The following ABR variants were observed in gnomAD, a reference collection of about 807,000 sequenced individuals.
ABR encodes active breakpoint cluster region-related protein.
ABR carries 35 observed loss-of-function variants against 107.2 expected under a neutral mutation model. That is an observed-to-expected ratio of 0.33 (90% CI 0.25 to 0.43). The LOEUF (loss-of-function observed/expected upper bound fraction) is 0.43. Among genes scored for constraint, ABR ranks in the 20% least tolerant of loss-of-function variants. The pLI is 1.00. For synonymous variants in ABR, 498 were observed against 462.0 expected (o/e 1.08, Z -1.00); for missense variants, 815 against 1,115.2 (o/e 0.73, Z 3.83).
chr17:1,196,817 C>A (rs1467488112), intron 1 of ABR, among the ~76,000 whole-genome samples: 2 of 152,018 alleles, frequency 1.3e-5, no homozygotes, highest in African/African-American at 2.4e-5. Flanking sequence ...GCCTCAGCCT[C>A]CCGAGTAGCT....
chr17:1,089,148 G>A (rs1011715592), intron 4 of ABR, among the ~76,000 whole-genome samples: 9 of 151,666 alleles, frequency 5.9e-5, no homozygotes, highest in African/African-American at 1.9e-4. Flanking sequence ...CACCCACCCC[G>A]GCCTCCCAAA....
chr17:1,013,901 G>T (rs1223468688), intron 16 of ABR, among the ~76,000 whole-genome samples: 1 of 152,218 alleles, frequency 6.6e-6, no homozygotes, highest in African/African-American at 2.4e-5. Context: ...TTCTGTTTCT[G>T]TAACTCGGGG....
Position 1,011,777 on chromosome 17 carries a change from T to C in ABR, c.2101+69A>G. On this transcript the variant is annotated intron_variant, in intron 19 of 22. Transcript: ENST00000302538. The surrounding 1 kb of genome is among the most constrained non-coding windows in gnomAD (Gnocchi z 4.8). ...AGGGAGGCTCCTGGTTCCCCCGAGC[T>C]CTCCTGTCCATCCCACCAGCCTGCT... is the stretch of plus-strand genomic sequence containing the variant. The C allele has an allele frequency of 1.3e-6, 2 of 1,488,394 alleles. No individual in the cohort carries two copies. The highest frequency in any genetic ancestry group is 1.8e-6 in the Non-Finnish European group (2 of 1,116,226). 92.2% of individuals were successfully genotyped at this position (1,488,394 alleles called of 1,614,324 possible).
intron 2 of ABR, among the ~76,000 whole-genome samples, chr17:1,104,350 G>A (rs1022251093): frequency 2.6e-5 from 4 of 152,216 alleles, no homozygotes; most frequent in African/African-American, 9.6e-5. Context: ...CCACAGAGTT[G>A]AGAGGCTAAA....
chr17:1,087,783 T>G (rs1391726204), intron 4 of ABR, among the ~76,000 whole-genome samples: 1 of 152,090 alleles, frequency 6.6e-6, no homozygotes, highest in African/African-American at 2.4e-5. Flanking sequence ...AGGCCCGGGT[T>G]GGCACACCAC....
chr17:1,096,553 G>A (rs1371779481), intron 3 of ABR, among the ~76,000 whole-genome samples: 1 of 152,200 alleles, frequency 6.6e-6, no homozygotes, highest in East Asian at 1.9e-4. Flanking sequence ...TGGCTGTGGA[G>A]GGTCCTACTC....
intron 1 of ABR, among the ~76,000 whole-genome samples, chr17:1,176,446 T>C (rs920828279): frequency 1.3e-5 from 2 of 152,220 alleles, no homozygotes; most frequent in Non-Finnish European, 2.9e-5. Context: ...AGCTCAGCCA[T>C]TTGTTACTTA....
chr17:1,005,229 A>C lies in ABR; in HGVS notation c.*851T>G. 2.5e-6 allele frequency: 1 copy of C among 398,706 alleles called. No homozygotes were observed. The highest frequency in any genetic ancestry group is 3.6e-5 in the East Asian group (1 of 28,084). The allele number at this position is 398,706 out of a possible 1,614,324, so 24.7% of individuals were successfully genotyped here. On this transcript the variant is annotated 3_prime_UTR_variant, in exon 23 of 23. Coordinates refer to ENST00000302538, the MANE Select transcript of ABR (RefSeq NM_021962.5). Reference sequence around the variant, plus strand: ...AGTCTTTACACTCAAAGGAAATAGAACAGCAGGGAAGGGAACTGAAAAGCA... The same window carrying C: ...AGTCTTTACACTCAAAGGAAATAGACCAGCAGGGAAGGGAACTGAAAAGCA...
exon 1 of ABR, among the ~76,000 whole-genome samples, chr17:1,229,669 C>A (rs977754759): frequency 2.6e-5 from 4 of 152,042 alleles, no homozygotes; most frequent in Non-Finnish European, 4.4e-5. Context: ...CCCCGCGGCC[C>A]CCGAAGAGAC....
intron 1 of ABR, among the ~76,000 whole-genome samples, chr17:1,137,102 G>A (rs762183522): frequency 6.6e-6 from 1 of 151,118 alleles, no homozygotes; most frequent in Non-Finnish European, 1.5e-5. Context: ...GGAGTGCAGC[G>A]GCACAATCTC....
chr17:1,082,498 GA>G (rs1287591463), intron 5 of ABR, among the ~76,000 whole-genome samples: 1 of 151,228 alleles, frequency 6.6e-6, no homozygotes, highest in Non-Finnish European at 1.5e-5. Context: ...TGGGCCTCAG[GA>G]GCAGAAGCAC....
chr17:1,164,353 G>A (rs2041419751), intron 1 of ABR, among the ~76,000 whole-genome samples: 2 of 142,988 alleles, frequency 1.4e-5, no homozygotes, highest in Non-Finnish European at 1.5e-5. Flanking sequence ...GGAGCATCTA[G>A]GTGGGACCCT....
Position 1,013,142 on chromosome 17 carries a change from G to T in ABR, c.1814C>A (p.Thr605Asn), listed in dbSNP as rs1276620298. ...AATCACGTCCGTGTGCCAGTTCTTG[G>T]TCTCCACGGTTTGTGGGTCCAGCTG... Reference protein sequence around the residue: ...QIQLDPQTVETKNWHTDVIEM... With the variant: ...QIQLDPQTVENKNWHTDVIEM... The change falls in exon 17 of 23, where the codon ACC becomes AAC. Residue 605 changes from threonine (T) to asparagine (N), a missense_variant. By Grantham distance (65) the Thr-to-Asn change is moderately conservative. This residue lies in a region of ABR where 92 missense variants were observed against 82.3 expected (regional missense o/e 1.12). Transcript: ENST00000302538. The T allele has an allele frequency of 6.2e-7, 1 of 1,614,046 alleles. No individual in the cohort carries two copies. The highest frequency in any genetic ancestry group is 1.7e-5 in the Admixed American group (1 of 60,000).
chr17:1,171,882 A>G (rs1246368476), intron 1 of ABR, among the ~76,000 whole-genome samples: 1 of 152,174 alleles, frequency 6.6e-6, no homozygotes, highest in Admixed American at 6.5e-5. Flanking sequence ...GTGAGCCGAG[A>G]TCGCACCACT....
intron 1 of ABR, among the ~76,000 whole-genome samples, chr17:1,208,887 CAA>C (rs544264330): frequency 1.9e-4 from 12 of 64,660 alleles, no homozygotes; most frequent in Admixed American, 1.8e-4. Context: ...GACTCCGTCT[CAA>C]AAAAAAAAAA....
chr17:1,171,725 A>G (rs2041717634), intron 1 of ABR, among the ~76,000 whole-genome samples: 1 of 152,200 alleles, frequency 6.6e-6, no homozygotes, highest in South Asian at 2.1e-4. Flanking sequence ...TGAGGTCAGG[A>G]GTTCGAGACC....
intron 1 of ABR, among the ~76,000 whole-genome samples, chr17:1,176,907 C>T (rs2041938334): frequency 2.0e-5 from 3 of 151,952 alleles, no homozygotes; most frequent in Admixed American, 2.0e-4. Context: ...GAGAAAGTGA[C>T]TATCCCAGTG....
intron 7 of ABR, 27 bp from the exon 8 acceptor site, chr17:1,072,781 G>T (rs1156846101): frequency 1.2e-6 from 2 of 1,608,394 alleles, no homozygotes; most frequent in Admixed American, 1.7e-5. Context: ...GGTGAGTTGA[G>T]GGGAGCGGCT....
intron 1 of ABR, among the ~76,000 whole-genome samples, chr17:1,225,490 T>C (rs971088501): frequency 6.6e-6 from 1 of 151,484 alleles, no homozygotes; most frequent in Non-Finnish European, 1.5e-5. Context: ...CCATCTCATC[T>C]AAAATACAAA....
Sources: allele counts gnomAD v4.1 joint callset (sites outside exome capture counted in the v4.1 genomes callset), GRCh38; gene constraint gnomAD v4.1.1; regional missense constraint gnomAD v4.1.1; non-coding constraint Gnocchi (gnomAD v3.1); transcripts MANE v1.5; gene names NCBI Gene and HGNC (gene_info 2026-07-23, HGNC 2026-07-21).